FAM114A1: variants seen among roughly 807,000 people sequenced by gnomAD.
FAM114A1 encodes the protein family with sequence similarity 114 member A1.
Under a neutral mutation model 64.3 loss-of-function variants are expected in FAM114A1, and 62 were observed. The observed-to-expected ratio is 0.96, with a 90% CI of 0.79 to 1.19. FAM114A1 has a LOEUF of 1.19. FAM114A1 is among the 50% of genes most tolerant of loss of function. The pLI, the probability that FAM114A1 is intolerant of heterozygous loss-of-function variation, is 0.00. For missense variants in FAM114A1, 645 were observed against 676.3 expected (o/e 0.95, Z 0.51); for synonymous variants, 254 against 251.1 (o/e 1.01, Z -0.11).
intron 3 of FAM114A1, among the ~76,000 whole-genome samples, chr4:38,889,554 A>T (rs111937473): frequency 5.9e-5 from 9 of 152,296 alleles, no homozygotes; most frequent in African/African-American, 2.2e-4. Flanking sequence ...GATCTTCACG[A>T]ACCGGTGAGG....
chr4:38,926,606 C>T (rs1392510417), intron 9 of FAM114A1, among the ~76,000 whole-genome samples: 1 of 152,116 alleles, frequency 6.6e-6, no homozygotes, highest in Non-Finnish European at 1.5e-5. Context: ...CAGGCACATG[C>T]CACCACACCT....
intron 3 of FAM114A1, among the ~76,000 whole-genome samples, chr4:38,883,774 T>C (rs79087136): frequency 0.013 from 2,050 of 152,310 alleles, 53 homozygotes; most frequent in African/African-American, 0.046. Context: ...ATTTTCCCTT[T>C]TTGGCCTGCT....
At chr4:38,907,339 A>G (rs1428935081) in intron 6 of FAM114A1, among the ~76,000 whole-genome samples, 1 of 152,178 alleles carries the variant, frequency 6.6e-6, no homozygotes, top group Non-Finnish European at 1.5e-5. Flanking sequence ...AGAGGGCACT[A>G]TGAGTTTGTC....
intron 4 of FAM114A1, 106 bp from the exon 5 acceptor site, chr4:38,905,416 G>T: frequency 6.8e-6 from 5 of 736,708 alleles, no homozygotes; most frequent in Non-Finnish European, 8.8e-6. Context: ...AAAAAAAAAA[G>T]AAAGATGTAC....
At chr4:38,936,548 A>ATTTTTTTTT (rs761417840) in intron 13 of FAM114A1, among the ~76,000 whole-genome samples, 3 of 110,310 alleles carry the variant, frequency 2.7e-5, no homozygotes, top group African/African-American at 3.6e-5. Flanking sequence ...AAGAGTTTTC[A>ATTTTTTTTT]TTTTTTTTTT....
At chr4:38,877,510 T>G (rs1714757093) in intron 2 of FAM114A1, among the ~76,000 whole-genome samples, 1 of 152,154 alleles carries the variant, frequency 6.6e-6, no homozygotes, top group Admixed American at 6.5e-5. Context: ...CAGGTGGTAA[T>G]GCGAGCGATG....
chr4:38,913,895 C>A (rs1037460924), intron 7 of FAM114A1, among the ~76,000 whole-genome samples: 1 of 150,096 alleles, frequency 6.7e-6, no homozygotes, highest in East Asian at 2.0e-4. Context: ...GTCAGGAGTT[C>A]GAGACCAGCC....
rs1720645449 is a variant in FAM114A1, at chr4:38,931,588, G to A, written c.1299G>A (p.Glu433=). ...AAGACCCTCAAGAAGACAAAAAGGA[G>A]GAAAAGAAAACTAAGACCATAGAGG... ...KSQDPQEDKK[E]EKKTKTIEEV... is the part of the protein sequence containing the mutation. Residue 433 remains glutamate (E), a synonymous_variant, in exon 11 of 15, where the codon GAG becomes GAA. Coordinates refer to ENST00000358869, the MANE Select transcript of FAM114A1 (RefSeq NM_138389.4). 1.9e-6 allele frequency: 3 copies of A among 1,613,016 alleles called. No homozygotes were observed. The highest frequency in any genetic ancestry group is 2.5e-6 in the Non-Finnish European group (3 of 1,179,648).
intron 3 of FAM114A1, among the ~76,000 whole-genome samples, chr4:38,886,184 T>C (rs1450106827): frequency 6.6e-6 from 1 of 151,470 alleles, no homozygotes; most frequent in African/African-American, 2.4e-5. Flanking sequence ...TTTTTTTTTT[T>C]TTTTTGAGAC....
At chr4:38,883,489 T>A (rs958488742) in intron 3 of FAM114A1, among the ~76,000 whole-genome samples, 45 of 152,106 alleles carry the variant, frequency 3.0e-4, no homozygotes, top group African/African-American at 1.1e-3. Flanking sequence ...CCAGAATTTT[T>A]AAAATGTCAT....
intron 6 of FAM114A1, among the ~76,000 whole-genome samples, chr4:38,907,322 G>A (rs1326494733): frequency 6.6e-6 from 1 of 152,144 alleles, no homozygotes; most frequent in Non-Finnish European, 1.5e-5. Context: ...GCCTATCTGA[G>A]CTACCAAGAG....
chr4:38,873,181 A>G (rs2130296), intron 2 of FAM114A1, among the ~76,000 whole-genome samples: 45,254 of 152,056 alleles, frequency 0.3, 7,588 homozygotes, highest in African/African-American at 0.38. Context: ...ATACCAGCTC[A>G]AGGGAAGTCT....
intron 8 of FAM114A1, among the ~76,000 whole-genome samples, chr4:38,919,048 G>C (rs111735386): frequency 0.063 from 9,639 of 152,192 alleles, 613 homozygotes; most frequent in Non-Finnish European, 0.093. Flanking sequence ...AGCTACTCGG[G>C]AGGCTGAGGC....
intron 1 of FAM114A1, 126 bp downstream of exon 1, chr4:38,867,960 C>A: frequency 3.1e-6 from 1 of 326,430 alleles, no homozygotes. Flanking sequence ...GAATCCTGCC[C>A]TCTGCGTTAG....
intron 13 of FAM114A1, among the ~76,000 whole-genome samples, chr4:38,937,343 G>A (rs1721196125): frequency 6.6e-6 from 1 of 152,108 alleles, no homozygotes; most frequent in Admixed American, 6.5e-5. Flanking sequence ...AGCCCCAAGT[G>A]TTCCTTGCCT....
At chr4:38,884,651 A>G (rs866995049) in intron 3 of FAM114A1, among the ~76,000 whole-genome samples, 6 of 152,248 alleles carry the variant, frequency 3.9e-5, no homozygotes, top group Non-Finnish European at 4.4e-5. Context: ...ACATTTTTAA[A>G]TGAAACGGTA....
intron 4 of FAM114A1, among the ~76,000 whole-genome samples, chr4:38,899,841 A>G (rs527578767): frequency 1.4e-4 from 22 of 152,258 alleles, no homozygotes; most frequent in African/African-American, 5.1e-4. Flanking sequence ...CCAATATTAC[A>G]TTTTGAATAC....
intron 3 of FAM114A1, among the ~76,000 whole-genome samples, chr4:38,889,995 GA>G (rs1159209386): frequency 2.6e-5 from 4 of 152,134 alleles, no homozygotes; most frequent in African/African-American, 9.7e-5. Context: ...AAGAGAAGGG[GA>G]AAGAGTGGGC....
At chr4:38,871,710 C>T (rs1488088677) in intron 2 of FAM114A1, among the ~76,000 whole-genome samples, 1 of 152,128 alleles carries the variant, frequency 6.6e-6, no homozygotes, top group Non-Finnish European at 1.5e-5. Flanking sequence ...CTCTAGGTTT[C>T]CTCCTCTGCA....
Sources: gnomAD v4.1 joint callset for allele counts (sites outside exome capture counted in the v4.1 genomes callset) on GRCh38, gnomAD v4.1.1 for gene constraint, MANE v1.5 for transcripts, NCBI Gene and HGNC (gene_info 2026-07-23, HGNC 2026-07-21) for gene names.